Variants in TEAD4 observed in about 807,000 individuals in gnomAD.
TEAD4 encodes transcriptional enhancer factor TEF-3.
In TEAD4, 36 loss-of-function variants were observed where a neutral mutation model predicts 52.4. The observed-to-expected ratio is 0.69, with a 90% CI of 0.53 to 0.91. The LOEUF (loss-of-function observed/expected upper bound fraction) is 0.91. Ranked by LOEUF, TEAD4 falls within the 40% of genes least tolerant of loss-of-function variation. The pLI, the probability that TEAD4 is intolerant of heterozygous loss-of-function variation, is 0.00. For synonymous variants in TEAD4, 220 were observed against 231.0 expected (o/e 0.95, Z 0.43); for missense variants, 508 against 583.9 (o/e 0.87, Z 1.34).
chr12:3,010,711 C>T (rs151167774), intron 3 of TEAD4, among the ~76,000 whole-genome samples: 31 of 152,216 alleles, frequency 2.0e-4, no homozygotes, highest in East Asian at 1.9e-3. Context: ...GGAACGGTAC[C>T]GGGGGTCAAG....
intron 3 of TEAD4, among the ~76,000 whole-genome samples, chr12:3,009,661 C>CT (rs2098258675): frequency 6.6e-6 from 1 of 152,210 alleles, no homozygotes. Context: ...CGACCGTTCA[C>CT]TGGACCGCCA....
chr12:3,026,201 C>G (rs1397040335), intron 10 of TEAD4, among the ~76,000 whole-genome samples: 1 of 152,146 alleles, frequency 6.6e-6, no homozygotes, highest in Non-Finnish European at 1.5e-5. Context: ...TTTACCATTT[C>G]TTTATTTTCT....
At chr12:2,960,961 T>A (rs2098214772) in intron 2 of TEAD4, among the ~76,000 whole-genome samples, 1 of 152,140 alleles carries the variant, frequency 6.6e-6, no homozygotes, top group African/African-American at 2.4e-5. Context: ...TGGCTCCACC[T>A]GCCTCTTGGA....
At chr12:3,021,023 C>A (rs1016602531) in intron 9 of TEAD4, among the ~76,000 whole-genome samples, 1 of 152,122 alleles carries the variant, frequency 6.6e-6, no homozygotes, top group African/African-American at 2.4e-5. Context: ...CCCTCCCTGT[C>A]CTGTGTTCCT....
At chr12:2,988,583 CTTCAAAACGATG>C (rs1355975349) in intron 2 of TEAD4, among the ~76,000 whole-genome samples, 1 of 151,138 alleles carries the variant, frequency 6.6e-6, no homozygotes, top group Non-Finnish European at 1.5e-5. Flanking sequence ...TCCTTGCAAT[CTTCAAAACGATG>C]TGTCTTTTTG....
chr12:2,989,753 A>C (rs1214659724), intron 2 of TEAD4, among the ~76,000 whole-genome samples: 2 of 152,160 alleles, frequency 1.3e-5, no homozygotes, highest in Admixed American at 1.3e-4. Flanking sequence ...GTTCAATATC[A>C]GTTTAATAGT....
At chr12:3,030,930 G>A (rs1591598607) in intron 10 of TEAD4, among the ~76,000 whole-genome samples, 1 of 152,204 alleles carries the variant, frequency 6.6e-6, no homozygotes, top group South Asian at 2.1e-4. Context: ...GGCCAGGGTT[G>A]TGCTTAGTTG....
chr12:2,980,736 T>TAA (rs1210823772), intron 2 of TEAD4, among the ~76,000 whole-genome samples: 1 of 138,918 alleles, frequency 7.2e-6, no homozygotes, highest in Admixed American at 7.4e-5. Flanking sequence ...CTGTCTCAAT[T>TAA]AAAAAAAAAA....
At chr12:2,976,922 G>A (rs73246966) in intron 2 of TEAD4, among the ~76,000 whole-genome samples, 27,030 of 152,108 alleles carry the variant, frequency 0.18, 3,703 homozygotes, top group African/African-American at 0.38. Context: ...CAGCTGGCCT[G>A]CATCCCAGGC....
chr12:2,994,782 G>GGCA lies in TEAD4; in HGVS notation c.17_19dup (p.Gly6_Thr7insSer), dbSNP rs765333950. On this transcript the variant is annotated inframe_insertion, in exon 3 of 13. Coordinates refer to ENST00000359864, the MANE Select transcript of TEAD4 (RefSeq NM_003213.4). This position sits in a 1 kb window ranked among gnomAD's most constrained non-coding sequence, Gnocchi z 4.7. The stretch of plus-strand genomic sequence containing the variant: ...AAGCGGAGCCTTGGAGGGCACGGCC[G>GGCA]GCACCATTACCTCCAACGAGTGGAG... 1 of 1,612,098 alleles carries GGCA rather than the reference G, an allele frequency of 6.2e-7. No individual in the cohort carries two copies. The highest frequency in any genetic ancestry group is 1.1e-5 in the South Asian group (1 of 90,966).
intron 2 of TEAD4, among the ~76,000 whole-genome samples, chr12:2,970,832 C>T (rs914773981): frequency 1.3e-5 from 2 of 152,200 alleles, no homozygotes; most frequent in Non-Finnish European, 2.9e-5. Flanking sequence ...AAAGCATCCT[C>T]GGAAATGCTC....
At chr12:3,034,275 G>A (rs532700590) in intron 10 of TEAD4, among the ~76,000 whole-genome samples, 1 of 152,246 alleles carries the variant, frequency 6.6e-6, no homozygotes, top group Admixed American at 6.5e-5. Flanking sequence ...AGAACTCTCA[G>A]GGTGAGCAGG....
intron 10 of TEAD4, 94 bp from the exon 11 acceptor site, chr12:3,037,874 T>C: frequency 6.8e-7 from 1 of 1,470,692 alleles, no homozygotes; most frequent in Non-Finnish European, 9.1e-7. Flanking sequence ...TTCCCAGCCC[T>C]AGAGCCGGGA....
At position 3,012,776 on chromosome 12, in the gene TEAD4, G is replaced by A. The variant is rs143219578; in HGVS notation, c.354+544G>A. ...TGATGTTGCTGGCATTCCCCTCGGG[G>A]TAGCCCTGCTCCCCACAGGAGTCAG... On this transcript the variant is annotated intron_variant, in intron 5 of 12. Coordinates refer to ENST00000359864, the MANE Select transcript of TEAD4 (RefSeq NM_003213.4). Among the ~76,000 whole-genome samples, 372 of 152,248 alleles carry A rather than the reference G, an allele frequency of 2.4e-3. 3 individuals are homozygous for A. The highest frequency in any genetic ancestry group is 0.01 in the Middle Eastern group (3 of 294).
At chr12:2,999,339 T>A (rs919672810) in intron 3 of TEAD4, among the ~76,000 whole-genome samples, 1 of 152,056 alleles carries the variant, frequency 6.6e-6, no homozygotes, top group Non-Finnish European at 1.5e-5. Flanking sequence ...CCTTTCCAAG[T>A]GGGCCGGCCC....
intron 2 of TEAD4, among the ~76,000 whole-genome samples, chr12:2,962,319 T>TATATAA (rs1565518177): frequency 9.7e-4 from 93 of 95,422 alleles, no homozygotes; most frequent in Non-Finnish European, 1.2e-3. Context: ...TATATAAATA[T>TATATAA]ATATATAAAT....
At chr12:2,997,351 TG>T (rs1349794002) in intron 3 of TEAD4, among the ~76,000 whole-genome samples, 1 of 152,152 alleles carries the variant, frequency 6.6e-6, no homozygotes, top group South Asian at 2.1e-4. Context: ...TTTTAGCGCC[TG>T]GGGAAGCGTC....
intron 2 of TEAD4, among the ~76,000 whole-genome samples, chr12:2,977,501 G>C (rs1284740238): frequency 6.6e-6 from 1 of 152,214 alleles, no homozygotes; most frequent in Non-Finnish European, 1.5e-5. Flanking sequence ...TGTGATGAAG[G>C]CCTCACACCA....
rs546423520 is a variant in TEAD4 at position 2,995,114 on chromosome 12, A to T, written c.226+122A>T. ...CCACTTGGGGCTTTGTCGGGTGGAC[A>T]CTGCTTTCTTCCCTCCTGGGCTCCC... is the stretch of plus-strand genomic sequence containing the variant. On this transcript the variant is annotated intron_variant, in intron 3 of 12. Coordinates refer to ENST00000359864, the MANE Select transcript of TEAD4 (RefSeq NM_003213.4). 35 of 1,270,880 alleles carry T rather than the reference A, an allele frequency of 2.8e-5. No homozygotes were observed. In the African/African-American group the frequency reaches 5.1e-4, roughly 18 times the overall value. The allele number at this position is 1,270,880 out of a possible 1,614,324, so 78.7% of individuals were successfully genotyped here.
Sources: gnomAD v4.1 joint callset for allele counts (sites outside exome capture counted in the v4.1 genomes callset) on GRCh38, gnomAD v4.1.1 for gene constraint, Gnocchi (gnomAD v3.1) non-coding constraint, MANE v1.5 for transcripts, NCBI Gene and HGNC (gene_info 2026-07-23, HGNC 2026-07-21) for gene names.